XPO7: variants seen among roughly 807,000 people sequenced by gnomAD.
XPO7 encodes the protein exportin 7, also known as exportin-7.
A neutral mutation model predicts 144.3 loss-of-function variants in XPO7; 21 were observed. That is an observed-to-expected ratio of 0.15 (90% CI 0.10 to 0.21). XPO7 has a LOEUF of 0.21. Among genes scored for constraint, XPO7 ranks in the 10% least tolerant of loss-of-function variants. XPO7 has a pLI of 1.00. For missense variants in XPO7, 808 were observed against 1,325.8 expected (o/e 0.61, Z 6.06); for synonymous variants, 580 against 499.6 (o/e 1.16, Z -2.15).
chr8:22,001,239 G>A (rs1364717268), intron 24 of XPO7, among the ~76,000 whole-genome samples: 3 of 151,694 alleles, frequency 2.0e-5, no homozygotes, highest in Admixed American at 6.6e-5. Flanking sequence ...CCGGGAAGTA[G>A]AAGCTGTGGT....
chr8:21,962,167 T>C (rs1811746046), intron 1 of XPO7, among the ~76,000 whole-genome samples: 1 of 152,214 alleles, frequency 6.6e-6, no homozygotes. Context: ...TTATAAACAT[T>C]CAAAGAGCAA....
chr8:21,974,593 A>G (rs1812167831), intron 5 of XPO7, 77 bp from the exon 6 acceptor site: 1 of 950,608 alleles, frequency 1.1e-6, no homozygotes, highest in African/African-American at 1.7e-5. Context: ...AAATCCTTCT[A>G]GCTTATAGGA....
intron 23 of XPO7, 49 bp from the exon 24 acceptor site, chr8:21,999,487 T>G: frequency 6.2e-7 from 1 of 1,609,326 alleles, no homozygotes; most frequent in Non-Finnish European, 8.5e-7. Flanking sequence ...CCCTGCATGC[T>G]GGAGTGCATA....
intron 21 of XPO7, 84 bp downstream of exon 21, chr8:21,995,683 TG>T: frequency 9.3e-7 from 1 of 1,077,370 alleles, no homozygotes; most frequent in Non-Finnish European, 1.3e-6. Context: ...GGGCAGATTG[TG>T]GGAAATAATA....
Position 21,984,932 on chromosome 8 carries a change from A to G in XPO7, c.1471+93A>G. 4 of 1,354,610 alleles carry G rather than the reference A, an allele frequency of 3.0e-6. No homozygotes were observed. In the South Asian group the frequency reaches 4.1e-5, roughly 14 times the overall value. The allele number at this position is 1,354,610 out of a possible 1,614,324, so 83.9% of individuals were successfully genotyped here. On this transcript the variant is annotated intron_variant, in intron 12 of 27. Transcript: ENST00000252512. ...TGCCACCTCTTTCCTACCTCCCTGC[A>G]AAAGGATTCTTTCATCATCTGTTGT...
chr8:21,984,742 T>C lies in XPO7; in HGVS notation c.1374T>C (p.Cys458=), dbSNP rs1448700219. The change falls in exon 12 of 28, where the codon TGT becomes TGC. Residue 458 remains cysteine, a synonymous_variant. Coordinates refer to ENST00000252512, the MANE Select transcript of XPO7 (RefSeq NM_015024.5). ...GGCGTTGTGAATATGAGAAGACGTG[T>C]GCACTCCTCGTGCAGTTGTTTGACC... ...TIGRCEYEKT[C]ALLVQLFDQS... is the part of the protein sequence containing the mutation. 3 of 1,613,898 alleles carry C rather than the reference T, an allele frequency of 1.9e-6. No individual in the cohort carries two copies. Among genetic ancestry groups the C allele is most frequent in the Admixed American group, 3.3e-5 (2 of 60,014 alleles).
chr8:21,927,922 C>A (rs1377678984), intron 1 of XPO7, among the ~76,000 whole-genome samples: 1 of 152,162 alleles, frequency 6.6e-6, no homozygotes, highest in African/African-American at 2.4e-5. Context: ...ATATTTGGTT[C>A]ATAGAGATTA....
chr8:21,986,837 T>C (rs115839723), intron 13 of XPO7, among the ~76,000 whole-genome samples: 93 of 152,324 alleles, frequency 6.1e-4, no homozygotes, highest in African/African-American at 2.2e-3. Context: ...ATTCACTCAC[T>C]TGCATTCCAG....
At chr8:21,938,157 T>G (rs1248054157) in intron 1 of XPO7, among the ~76,000 whole-genome samples, 2 of 152,146 alleles carry the variant, frequency 1.3e-5, no homozygotes, top group South Asian at 2.1e-4. Context: ...ATAAACAGAT[T>G]TACAGATTTA....
At chr8:21,995,064 AAATAATAATAAT>A (rs150929948) in intron 20 of XPO7, among the ~76,000 whole-genome samples, 2 of 150,356 alleles carry the variant, frequency 1.3e-5, no homozygotes, top group East Asian at 1.9e-4. Flanking sequence ...AAAAAAAAAT[AAATAATAATAAT>A]AATAATAATA....
At chr8:21,926,852 T>G (rs1244150030) in intron 1 of XPO7, among the ~76,000 whole-genome samples, 2 of 152,216 alleles carry the variant, frequency 1.3e-5, no homozygotes, top group Non-Finnish European at 2.9e-5. Flanking sequence ...GGTGATATTT[T>G]TGTCTTCAGC....
chr8:21,981,923 T>G, intron 10 of XPO7, 46 bp downstream of exon 10: 7 of 1,603,854 alleles, frequency 4.4e-6, no homozygotes, highest in Non-Finnish European at 6.0e-6. Context: ...TACTGGAATC[T>G]CTTGCTTGTT....
intron 1 of XPO7, chr8:21,966,379 A>G (rs1811884937): frequency 1.3e-6 from 1 of 764,342 alleles, no homozygotes. Flanking sequence ...CTTTACGCAT[A>G]TACATTATTG....
chr8:21,936,441 C>T (rs1810824584), intron 1 of XPO7, among the ~76,000 whole-genome samples: 1 of 152,184 alleles, frequency 6.6e-6, no homozygotes, highest in Non-Finnish European at 1.5e-5. Flanking sequence ...TGCTTATTTT[C>T]ACCAATGTTA....
intron 1 of XPO7, among the ~76,000 whole-genome samples, chr8:21,933,882 T>C (rs1810735571): frequency 6.6e-6 from 1 of 152,206 alleles, no homozygotes; most frequent in African/African-American, 2.4e-5. Context: ...ACCCCCTTTT[T>C]TTAGAGGGTA....
intron 2 of XPO7, among the ~76,000 whole-genome samples, chr8:21,967,843 C>T (rs1331553386): frequency 6.6e-6 from 1 of 152,128 alleles, no homozygotes; most frequent in Non-Finnish European, 1.5e-5. Context: ...AATAATGTTC[C>T]TGAGATACAA....
chr8:21,989,561 C>T (rs1812690643), intron 16 of XPO7, among the ~76,000 whole-genome samples: 1 of 152,160 alleles, frequency 6.6e-6, no homozygotes, highest in South Asian at 2.1e-4. Flanking sequence ...CAGGGGTCCA[C>T]AAGAAGGGTA....
intron 21 of XPO7, 28 bp downstream of exon 21, chr8:21,995,627 C>G: frequency 6.6e-7 from 1 of 1,509,884 alleles, no homozygotes; most frequent in Non-Finnish European, 9.1e-7. Flanking sequence ...CTTGCAAGGG[C>G]ACATCTGCCC....
At chr8:21,954,846 T>C (rs1238733354) in intron 1 of XPO7, among the ~76,000 whole-genome samples, 1 of 152,208 alleles carries the variant, frequency 6.6e-6, no homozygotes, top group Non-Finnish European at 1.5e-5. Context: ...AGAAGTCAGT[T>C]GTTTGACCTT....
Sources: gnomAD v4.1 joint callset for allele counts (sites outside exome capture counted in the v4.1 genomes callset) on GRCh38, gnomAD v4.1.1 for gene constraint, MANE v1.5 for transcripts, NCBI Gene and HGNC (gene_info 2026-07-23, HGNC 2026-07-21) for gene names.